CTDP1: variants seen among roughly 807,000 people sequenced by gnomAD.
The protein encoded by CTDP1 is CTD phosphatase 1, also known as RNA polymerase II subunit A C-terminal domain phosphatase.
A neutral mutation model predicts 91.8 loss-of-function variants in CTDP1; 47 were observed. That is an observed-to-expected ratio of 0.51 (90% CI 0.41 to 0.65). The LOEUF (loss-of-function observed/expected upper bound fraction) is 0.65. Ranked by LOEUF, CTDP1 falls within the 30% of genes least tolerant of loss-of-function variation. The pLI, the probability that CTDP1 is intolerant of heterozygous loss-of-function variation, is 0.00. For missense variants in CTDP1, 1,272 were observed against 1,373.7 expected (o/e 0.93, Z 1.17); for synonymous variants, 656 against 598.5 (o/e 1.10, Z -1.40).
rs1178364858 is a variant in CTDP1 at position 79,706,774 on chromosome 18, G to A, written c.772+1857G>A. Among the ~76,000 whole-genome samples the A allele has an allele frequency of 2.6e-5, 4 of 152,306 alleles. No homozygotes were observed. The East Asian group carries it at 5.8e-4, about 22-fold the overall frequency. On this transcript the variant is annotated intron_variant, in intron 5 of 12. Coordinates refer to ENST00000613122, the MANE Select transcript of CTDP1 (RefSeq NM_004715.5). Reference sequence around the variant, plus strand: ...ATTGTTCGGTGAGGGAGTGGTTCCTGACCCCCAGGACTGTGAGGACTGCAC... The same window carrying A: ...ATTGTTCGGTGAGGGAGTGGTTCCTAACCCCCAGGACTGTGAGGACTGCAC...
chr18:79,680,220 G>C lies in CTDP1; in HGVS notation c.273G>C (p.Val91=). The change falls in exon 1 of 13, where the codon GTG becomes GTC. Residue 91 remains valine, a synonymous_variant. Coordinates refer to ENST00000613122, the MANE Select transcript of CTDP1 (RefSeq NM_004715.5). ...RRLRSERAGV[V]RELCAQPGQV... Reference sequence around the variant, plus strand: ...TGAGGTCGGAGCGCGCGGGCGTGGTGCGGGAGCTGTGCGCGCAGCCGGGCC... The same window carrying C: ...TGAGGTCGGAGCGCGCGGGCGTGGTCCGGGAGCTGTGCGCGCAGCCGGGCC... 1 of 1,361,478 alleles carries C rather than the reference G, an allele frequency of 7.3e-7. No homozygotes were observed. The highest frequency in any genetic ancestry group is 9.4e-7 in the Non-Finnish European group (1 of 1,064,666). The allele number at this position is 1,361,478 out of a possible 1,614,324, so 84.3% of individuals were successfully genotyped here.
At chr18:79,699,886 G>A (rs772561589) in intron 4 of CTDP1, among the ~76,000 whole-genome samples, 8 of 152,204 alleles carry the variant, frequency 5.3e-5, no homozygotes, top group Non-Finnish European at 1.0e-4. Flanking sequence ...CTCCTCGTTA[G>A]TGCTCTGCTG....
At position 79,736,348 on chromosome 18, in the gene CTDP1, T is replaced by G. The variant is rs1282939745; in HGVS notation, c.2581-7T>G. Reference sequence around the variant, plus strand: ...AGGTCTGTCGCTGACTCTTGGCTGTTTGTCAGGTGGACGACATCCTTGGAG... The same window carrying G: ...AGGTCTGTCGCTGACTCTTGGCTGTGTGTCAGGTGGACGACATCCTTGGAG... On this transcript the variant is annotated splice_polypyrimidine_tract_variant and splice_region_variant and intron_variant, in intron 11 of 12. Coordinates refer to ENST00000613122, the MANE Select transcript of CTDP1 (RefSeq NM_004715.5). The G allele has an allele frequency of 1.3e-6, 2 of 1,548,938 alleles. No individual in the cohort carries two copies. The highest frequency in any genetic ancestry group is 2.7e-5 in the African/African-American group (2 of 72,966).
chr18:79,698,332 A>G (rs1005183901), intron 4 of CTDP1, among the ~76,000 whole-genome samples: 2 of 151,284 alleles, frequency 1.3e-5, no homozygotes, highest in Middle Eastern at 3.2e-3. Flanking sequence ...TGAGAGGGGC[A>G]GTCTTGGTGG....
At chr18:79,700,197 T>C (rs947410367) in intron 4 of CTDP1, among the ~76,000 whole-genome samples, 5 of 152,074 alleles carry the variant, frequency 3.3e-5, no homozygotes, top group Non-Finnish European at 4.4e-5. Flanking sequence ...GACCTCTGAG[T>C]GTTCAAGTGG....
At chr18:79,695,424 T>C in intron 2 of CTDP1, 116 bp downstream of exon 2, 2 of 869,318 alleles carry the variant, frequency 2.3e-6, no homozygotes, top group African/African-American at 1.7e-5. Flanking sequence ...CAGCGGCAGA[T>C]GCAGACGCCT....
chr18:79,683,093 A>C (rs3859317), intron 1 of CTDP1: 47,587 of 152,182 alleles, frequency 0.31, 8,804 homozygotes, highest in East Asian at 0.43. Context: ...TGGAAGGTGA[A>C]GACATCAGGG....
chr18:79,743,941 G>A (rs147334590), intron 12 of CTDP1, among the ~76,000 whole-genome samples: 21 of 151,920 alleles, frequency 1.4e-4, no homozygotes, highest in Admixed American at 7.9e-4. Context: ...CCAACCTCCC[G>A]CCCATTCTAT....
chr18:79,708,480 G>A (rs1053075632), intron 5 of CTDP1, among the ~76,000 whole-genome samples: 8 of 152,238 alleles, frequency 5.3e-5, no homozygotes, highest in African/African-American at 1.7e-4. Flanking sequence ...AGTGGACCCC[G>A]TGTGCCACGT....
intron 4 of CTDP1, 55 bp from the exon 5 acceptor site, chr18:79,704,712 G>T: frequency 1.2e-6 from 2 of 1,607,364 alleles, no homozygotes; most frequent in Non-Finnish European, 1.7e-6. Context: ...AGGTTGCGGG[G>T]GCGGCCGGGG....
intron 4 of CTDP1, among the ~76,000 whole-genome samples, chr18:79,699,378 A>G (rs1278689465): frequency 6.6e-6 from 1 of 152,036 alleles, no homozygotes; most frequent in Non-Finnish European, 1.5e-5. Context: ...CTCCTCCCTC[A>G]GACTCCCAAG....
chr18:79,693,216 G>A (rs936862288), intron 1 of CTDP1, among the ~76,000 whole-genome samples: 1 of 152,158 alleles, frequency 6.6e-6, no homozygotes, highest in Non-Finnish European at 1.5e-5. Flanking sequence ...TGACCGGGAG[G>A]GAGGATGGTC....
intron 3 of CTDP1, 47 bp from the exon 4 acceptor site, chr18:79,697,813 A>T (rs1291972989): frequency 1.2e-6 from 2 of 1,613,490 alleles, no homozygotes; most frequent in African/African-American, 1.3e-5. Flanking sequence ...TTTACCTTGG[A>T]TGCAAACATA....
chr18:79,732,802 G>A (rs920372807), intron 11 of CTDP1, among the ~76,000 whole-genome samples: 7 of 151,176 alleles, frequency 4.6e-5, no homozygotes, highest in Non-Finnish European at 4.4e-5. Flanking sequence ...CTCCCTAACA[G>A]GAGTGCTCCC....
chr18:79,680,611 C>T (rs961560950), intron 1 of CTDP1, among the ~76,000 whole-genome samples: 3 of 152,266 alleles, frequency 2.0e-5, no homozygotes, highest in Admixed American at 6.5e-5. Flanking sequence ...GCACAAGAGT[C>T]ATCAGGCAGG....
intron 11 of CTDP1, chr18:79,735,679 C>A (rs1346116066): frequency 6.5e-6 from 1 of 153,920 alleles, no homozygotes; most frequent in Non-Finnish European, 1.4e-5. Flanking sequence ...TACCCACCTC[C>A]CGCCTGCTGA....
At chr18:79,736,805 G>A (rs577264891) in intron 12 of CTDP1, among the ~76,000 whole-genome samples, 85 of 151,880 alleles carry the variant, frequency 5.6e-4, no homozygotes, top group Admixed American at 1.6e-3. Flanking sequence ...GTGCACAGGC[G>A]TGTGGTGGGG....
chr18:79,679,909 C>T lies in CTDP1; in HGVS notation c.-39C>T. On this transcript the variant is annotated 5_prime_UTR_variant, in exon 1 of 13. Transcript: ENST00000613122. ...TAGGCGCTGCGCTCTGAGCGCAGCG[C>T]AGGCCCCGTACCGACCGCCCGCCCG... 1 of 1,370,058 alleles carries T rather than the reference C, an allele frequency of 7.3e-7. No homozygotes were observed. Among genetic ancestry groups the T allele is most frequent in the Non-Finnish European group, 9.4e-7 (1 of 1,060,832 alleles). The allele number at this position is 1,370,058 out of a possible 1,614,324, so 84.9% of individuals were successfully genotyped here.
intron 10 of CTDP1, among the ~76,000 whole-genome samples, chr18:79,722,907 T>C (rs928008822): frequency 4.6e-5 from 7 of 152,110 alleles, no homozygotes; most frequent in Admixed American, 1.3e-4. Context: ...CACCCTCCCT[T>C]TTCTCCGTAG....
Sources: allele counts gnomAD v4.1 joint callset (sites outside exome capture counted in the v4.1 genomes callset), GRCh38; gene constraint gnomAD v4.1.1; transcripts MANE v1.5; gene names NCBI Gene and HGNC (gene_info 2026-07-23, HGNC 2026-07-21).